GRID1: variants seen among roughly 807,000 people sequenced by gnomAD.
GRID1 encodes the protein glutamate receptor ionotropic, delta-1.
Under a neutral mutation model 98.0 loss-of-function variants are expected in GRID1, and 28 were observed. The observed-to-expected ratio is 0.29, with a 90% CI of 0.21 to 0.39. The LOEUF is 0.39. GRID1 is among the 10% of genes least tolerant of loss of function. The pLI is 1.00. For missense variants in GRID1, 1,111 were observed against 1,340.5 expected, an observed-to-expected ratio of 0.83 and a Z score of 2.67; for synonymous variants, 553 against 538.5, an observed-to-expected ratio of 1.03 and a Z score of -0.37.
At chr10:85,928,717 T>C (rs1841809893) in intron 4 of GRID1, among the ~76,000 whole-genome samples, 1 of 152,240 alleles carries the variant, frequency 6.6e-6, no homozygotes, top group Admixed American at 6.5e-5. Context: ...CTACATTCCC[T>C]GTACTGGTTC....
At chr10:86,272,965 G>C (rs1224788235) in intron 2 of GRID1, among the ~76,000 whole-genome samples, 4 of 152,060 alleles carry the variant, frequency 2.6e-5, no homozygotes, top group Admixed American at 6.5e-5. Context: ...ACAATGTGCA[G>C]GTTAGCTACA....
intron 8 of GRID1, among the ~76,000 whole-genome samples, chr10:85,780,913 G>T (rs1035366907): frequency 1.3e-5 from 2 of 152,210 alleles, no homozygotes; most frequent in African/African-American, 4.8e-5. Context: ...GCACAAGTGT[G>T]GTCTTGTAAA....
intron 2 of GRID1, among the ~76,000 whole-genome samples, chr10:86,267,191 A>G (rs1847116980): frequency 6.6e-6 from 1 of 152,230 alleles, no homozygotes; most frequent in Admixed American, 6.5e-5. Context: ...TGCAAGCTGG[A>G]TATTATCATC....
Position 86,268,489 on chromosome 10 carries a change from C to T in GRID1, c.236-61841G>A, listed in dbSNP as rs150282008. 3.4e-3 allele frequency among the ~76,000 whole-genome samples: 512 copies of T among 152,250 alleles called. 2 individuals are homozygous for T. Among genetic ancestry groups the T allele is most frequent in the African/African-American group, 0.012 (491 of 41,554 alleles). On this transcript the variant is annotated intron_variant, in intron 2 of 15. Coordinates refer to ENST00000327946, the MANE Select transcript of GRID1 (RefSeq NM_017551.3). ...GAAGTGTGGGGGTTGTTTGTTACCA[C>T]GGGGGCTAGCCCATTTGAACCCATG...
chr10:86,323,701 G>A (rs1026270517), intron 2 of GRID1, among the ~76,000 whole-genome samples: 6 of 152,216 alleles, frequency 3.9e-5, no homozygotes, highest in African/African-American at 1.4e-4. Flanking sequence ...TAATGAAAAT[G>A]TTCTGGAATT....
intron 4 of GRID1, among the ~76,000 whole-genome samples, chr10:85,942,779 T>C (rs1564632099): frequency 6.6e-6 from 1 of 152,152 alleles, no homozygotes; most frequent in Non-Finnish European, 1.5e-5. Flanking sequence ...GTTGCCTGAA[T>C]ACTGGGAGAG....
chr10:86,334,005 C>T (rs1848188319), intron 2 of GRID1, among the ~76,000 whole-genome samples: 1 of 152,114 alleles, frequency 6.6e-6, no homozygotes, highest in Non-Finnish European at 1.5e-5. Context: ...CCGCCACCCC[C>T]TCCCTTCTCT....
chr10:85,944,605 T>C lies in GRID1; in HGVS notation c.727-28366A>G, dbSNP rs1376885836. On this transcript the variant is annotated intron_variant, in intron 4 of 15. Transcript: ENST00000327946. Reference sequence around the variant, plus strand: ...GATATTTATTGGCATATTGGCTGTATTGGGGGAGGAGGAATCATCAAAGAA... The same window carrying C: ...GATATTTATTGGCATATTGGCTGTACTGGGGGAGGAGGAATCATCAAAGAA... Among the ~76,000 whole-genome samples the C allele has an allele frequency of 3.9e-5, 6 of 152,192 alleles. No homozygotes were observed. The South Asian group carries it at 8.3e-4, about 21-fold the overall frequency.
chr10:86,295,587 G>C (rs914246469), intron 2 of GRID1, among the ~76,000 whole-genome samples: 3 of 152,224 alleles, frequency 2.0e-5, no homozygotes, highest in Non-Finnish European at 4.4e-5. Context: ...TGCGGAAAGA[G>C]AGGGGAAGGT....
chr10:86,212,215 C>T (rs948188168), intron 2 of GRID1, among the ~76,000 whole-genome samples: 2 of 152,224 alleles, frequency 1.3e-5, no homozygotes, highest in African/African-American at 4.8e-5. Context: ...CGACACTGGC[C>T]ACTGCCAGCT....
intron 15 of GRID1, among the ~76,000 whole-genome samples, chr10:85,609,589 C>A (rs913603210): frequency 6.6e-6 from 1 of 152,212 alleles, no homozygotes; most frequent in Non-Finnish European, 1.5e-5. Flanking sequence ...TGGGTTGGGG[C>A]ATGCAGACAG....
chr10:85,975,572 G>T (rs1239285880), intron 4 of GRID1, among the ~76,000 whole-genome samples: 4 of 152,216 alleles, frequency 2.6e-5, no homozygotes, highest in Admixed American at 6.5e-5. Flanking sequence ...ACTGGAGTTT[G>T]CAAACAAGAA....
chr10:85,769,174 G>C (rs1842228567), intron 8 of GRID1, among the ~76,000 whole-genome samples: 1 of 152,210 alleles, frequency 6.6e-6, no homozygotes, highest in Non-Finnish European at 1.5e-5. Context: ...ATATTATGCA[G>C]CCATAAAAAG....
At chr10:85,820,102 GAAGGGAGGAAGGA>G (rs1361962816) in intron 8 of GRID1, among the ~76,000 whole-genome samples, 7 of 130,706 alleles carry the variant, frequency 5.4e-5, no homozygotes, top group Non-Finnish European at 1.1e-4. Context: ...AGGCAGGAAG[GAAGGGAGGAAGGA>G]AAGAAAGAAG....
chr10:86,340,513 G>A (rs573355209), intron 2 of GRID1, among the ~76,000 whole-genome samples: 28 of 152,154 alleles, frequency 1.8e-4, no homozygotes, highest in Non-Finnish European at 3.7e-4. Context: ...CAATACAGAC[G>A]TCCACAAGGG....
chr10:86,034,288 A>G (rs1348293260), intron 4 of GRID1, among the ~76,000 whole-genome samples: 1 of 152,140 alleles, frequency 6.6e-6, no homozygotes, highest in African/African-American at 2.4e-5. Context: ...TCAAATATAT[A>G]AATATTTTTA....
In GRID1 at chr10:85,780,685, G is replaced by A. The variant is rs530917927; in HGVS notation, c.1234-51071C>T. Among the ~76,000 whole-genome samples, 12 of 152,100 alleles carry A rather than the reference G, an allele frequency of 7.9e-5. No individual in the cohort carries two copies. The South Asian group carries it at 2.5e-3, about 32-fold the overall frequency. The stretch of plus-strand genomic sequence containing the variant: ...CAGCTTCCTGAACACCCAGCCTGGA[G>A]GCAGATAGTACAGGTCAGACCCTAT... On this transcript the variant is annotated intron_variant, in intron 8 of 15. Coordinates refer to ENST00000327946, the MANE Select transcript of GRID1 (RefSeq NM_017551.3).
chr10:86,295,390 A>G (rs2132077944), intron 2 of GRID1, among the ~76,000 whole-genome samples: 1 of 152,314 alleles, frequency 6.6e-6, no homozygotes, highest in South Asian at 2.1e-4. Flanking sequence ...GGCGTCTCAG[A>G]CAGGACATGG....
intron 12 of GRID1, among the ~76,000 whole-genome samples, chr10:85,667,419 A>G (rs1006377698): frequency 1.3e-5 from 2 of 152,166 alleles, no homozygotes; most frequent in Non-Finnish European, 2.9e-5. Context: ...AAACACAAAC[A>G]ATAGAAGATT....
Sources: gnomAD v4.1 joint callset for allele counts (sites outside exome capture counted in the v4.1 genomes callset) on GRCh38, gnomAD v4.1.1 for gene constraint, MANE v1.5 for transcripts, NCBI Gene and HGNC (gene_info 2026-07-23, HGNC 2026-07-21) for gene names.